The following MYT1L variants were observed in gnomAD, a reference collection of about 807,000 sequenced individuals.
MYT1L encodes myelin transcription factor 1-like protein.
Under a neutral mutation model 126.7 loss-of-function variants are expected in MYT1L, and 12 were observed. That is an observed-to-expected ratio of 0.09 (90% CI 0.06 to 0.15). MYT1L has a LOEUF of 0.15. MYT1L is among the 10% of genes least tolerant of loss of function. MYT1L has a pLI of 1.00. For synonymous variants in MYT1L, 541 were observed against 604.2 expected (o/e 0.90, Z 1.53); for missense variants, 979 against 1,585.2 (o/e 0.62, Z 6.49).
chr2:2,293,746 C>T (rs2095633387), intron 1 of MYT1L, among the ~76,000 whole-genome samples: 1 of 152,182 alleles, frequency 6.6e-6, no homozygotes, highest in African/African-American at 2.4e-5. Flanking sequence ...CACCAACCCC[C>T]AGGTGCAAGA....
chr2:1,994,568 G>A (rs910015583), intron 5 of MYT1L, among the ~76,000 whole-genome samples: 1 of 152,126 alleles, frequency 6.6e-6, no homozygotes, highest in African/African-American at 2.4e-5. Context: ...GTGTGGCTAC[G>A]GTGCTAGTGA....
intron 21 of MYT1L, among the ~76,000 whole-genome samples, chr2:1,814,593 C>T (rs1046826466): frequency 2.0e-5 from 3 of 152,164 alleles, no homozygotes; most frequent in Non-Finnish European, 2.9e-5. Context: ...CTTTAGGATT[C>T]GGCTTTTGCA....
intron 2 of MYT1L, among the ~76,000 whole-genome samples, chr2:2,181,527 T>C (rs941170285): frequency 1.3e-5 from 2 of 152,126 alleles, no homozygotes; most frequent in African/African-American, 4.8e-5. Flanking sequence ...CAGAGTGTGA[T>C]TTAAATGTGC....
At chr2:1,825,675 T>G (rs1258376262) in intron 21 of MYT1L, 4 of 152,254 alleles carry the variant, frequency 2.6e-5, no homozygotes, top group African/African-American at 9.6e-5. Flanking sequence ...TTGTTTGTAC[T>G]GTTAATTTTT....
intron 4 of MYT1L, among the ~76,000 whole-genome samples, chr2:2,002,197 C>T (rs3748986): frequency 0.021 from 3,166 of 152,190 alleles, 68 homozygotes; most frequent in East Asian, 0.079. Context: ...GGAGAAACAC[C>T]GGTGTAACTT....
chr2:2,058,915 G>A (rs532673673), intron 3 of MYT1L, among the ~76,000 whole-genome samples: 4 of 152,224 alleles, frequency 2.6e-5, no homozygotes, highest in East Asian at 1.9e-4. Flanking sequence ...ATTTAGAAGC[G>A]ATTGAGGATG....
At chr2:2,181,047 T>C (rs946954321) in intron 2 of MYT1L, among the ~76,000 whole-genome samples, 8 of 151,388 alleles carry the variant, frequency 5.3e-5, no homozygotes, top group Non-Finnish European at 1.2e-4. Context: ...TGCCTGTGTG[T>C]GCACCTGTAA....
chr2:1,868,053 G>A (rs372784702), intron 18 of MYT1L, among the ~76,000 whole-genome samples: 1 of 151,742 alleles, frequency 6.6e-6, no homozygotes, highest in Non-Finnish European at 1.5e-5. Flanking sequence ...TGCTACCTCC[G>A]CCTCCTGGGT....
intron 3 of MYT1L, among the ~76,000 whole-genome samples, chr2:2,111,319 G>A (rs1230477838): frequency 6.6e-6 from 1 of 152,188 alleles, no homozygotes; most frequent in East Asian, 1.9e-4. Flanking sequence ...CGATGTAACA[G>A]AGCACAAGTC....
At chr2:1,991,695 C>T (rs572518372) in intron 5 of MYT1L, among the ~76,000 whole-genome samples, 2 of 152,162 alleles carry the variant, frequency 1.3e-5, no homozygotes, top group African/African-American at 4.8e-5. Flanking sequence ...GCTCAGACCC[C>T]TCCACCCTCC....
Position 2,126,368 on chromosome 2 carries a change from A to C in MYT1L, c.-304+46504T>G, listed in dbSNP as rs377412312. Reference sequence around the variant, plus strand: ...AGCTCCAACTGTAAAGAATGCTTCTATAATTTAAAAAATGCCCCTTGAAGT... The same window carrying C: ...AGCTCCAACTGTAAAGAATGCTTCTCTAATTTAAAAAATGCCCCTTGAAGT... On this transcript the variant is annotated intron_variant, in intron 3 of 24. Coordinates refer to ENST00000647738, the MANE Select transcript of MYT1L (RefSeq NM_001303052.2). 6.6e-5 allele frequency among the ~76,000 whole-genome samples: 10 copies of C among 152,348 alleles called. No homozygotes were observed. The South Asian group carries it at 1.4e-3, about 22-fold the overall frequency.
intron 4 of MYT1L, among the ~76,000 whole-genome samples, chr2:2,046,749 G>T (rs548212920): frequency 8.5e-5 from 13 of 152,250 alleles, no homozygotes; most frequent in African/African-American, 2.9e-4. Flanking sequence ...GTAAATATTT[G>T]TACACTAAAT....
chr2:1,990,764 T>C (rs1328432193), intron 5 of MYT1L, among the ~76,000 whole-genome samples: 1 of 152,128 alleles, frequency 6.6e-6, no homozygotes, highest in African/African-American at 2.4e-5. Context: ...AGCCCTGCCT[T>C]CTAAGGTGCT....
At chr2:1,975,080 T>C (rs1405449403) in intron 8 of MYT1L, among the ~76,000 whole-genome samples, 1 of 152,196 alleles carries the variant, frequency 6.6e-6, no homozygotes, top group Non-Finnish European at 1.5e-5. Flanking sequence ...AACTCCTTTT[T>C]AAAATTATTT....
At chr2:1,972,704 C>T (rs775224895) in intron 8 of MYT1L, among the ~76,000 whole-genome samples, 1 of 152,216 alleles carries the variant, frequency 6.6e-6, no homozygotes, top group Non-Finnish European at 1.5e-5. Flanking sequence ...CCTGTGAAGA[C>T]AGGCAATTAT....
intron 2 of MYT1L, among the ~76,000 whole-genome samples, chr2:2,216,929 A>C (rs1187112295): frequency 6.6e-6 from 1 of 152,186 alleles, no homozygotes; most frequent in African/African-American, 2.4e-5. Context: ...ACTTAGGGGA[A>C]ATAGAAAAAT....
At chr2:2,133,416 A>G (rs2082637218) in intron 3 of MYT1L, among the ~76,000 whole-genome samples, 1 of 152,172 alleles carries the variant, frequency 6.6e-6, no homozygotes, top group South Asian at 2.1e-4. Flanking sequence ...ATGCTTCTCA[A>G]GCATGCTAAT....
intron 8 of MYT1L, among the ~76,000 whole-genome samples, chr2:1,952,777 TCCTTTCCTC>T (rs2057931544): frequency 5.1e-4 from 1 of 1,978 alleles, no homozygotes; most frequent in Non-Finnish European, 1.0e-3. Context: ...CTCCCTTCCC[TCCTTTCCTC>T]CCTTCCCTCC....
At chr2:2,175,379 T>C (rs1452420855) in intron 2 of MYT1L, among the ~76,000 whole-genome samples, 1 of 152,078 alleles carries the variant, frequency 6.6e-6, no homozygotes, top group African/African-American at 2.4e-5. Flanking sequence ...GAAACGGCAG[T>C]GCCTGTGCCT....
Sources: gnomAD v4.1 joint callset for allele counts (sites outside exome capture counted in the v4.1 genomes callset) on GRCh38, gnomAD v4.1.1 for gene constraint, MANE v1.5 for transcripts, NCBI Gene and HGNC (gene_info 2026-07-23, HGNC 2026-07-21) for gene names.